TAF4B: variants seen among roughly 807,000 people sequenced by gnomAD.
TAF4B encodes the protein transcription initiation factor TFIID subunit 4B.
In TAF4B, 38 loss-of-function variants were observed where a neutral mutation model predicts 86.4. That is an observed-to-expected ratio of 0.44 (90% CI 0.34 to 0.58). The LOEUF (loss-of-function observed/expected upper bound fraction) is 0.58, where lower values mean the gene tolerates loss of function less well. Ranked by LOEUF, TAF4B falls within the 20% of genes least tolerant of loss-of-function variation. The pLI is 0.02. For missense variants in TAF4B, 988 were observed against 1,027.6 expected (o/e 0.96, Z 0.53); for synonymous variants, 388 against 391.2 (o/e 0.99, Z 0.10).
chr18:26,300,741 T>C (rs2056722515), intron 9 of TAF4B, among the ~76,000 whole-genome samples: 3 of 152,176 alleles, frequency 2.0e-5, no homozygotes, highest in South Asian at 4.1e-4. Context: ...CTACATCAGT[T>C]TGGTGAAGGT....
intron 10 of TAF4B, among the ~76,000 whole-genome samples, chr18:26,320,174 TATA>T (rs1400428104): frequency 6.6e-6 from 1 of 152,210 alleles, no homozygotes; most frequent in Non-Finnish European, 1.5e-5. Flanking sequence ...AAAATCAAAC[TATA>T]ATATTTTAAA....
At chr18:26,240,753 C>T (rs571445413) in intron 1 of TAF4B, among the ~76,000 whole-genome samples, 4 of 152,192 alleles carry the variant, frequency 2.6e-5, no homozygotes, top group Non-Finnish European at 4.4e-5. Flanking sequence ...TTTTGAGATA[C>T]GTCACATCAA....
At chr18:26,295,227 A>C (rs766190049) in intron 9 of TAF4B, 1 of 411,028 alleles carries the variant, frequency 2.4e-6, no homozygotes, top group South Asian at 1.8e-5. Context: ...TAAAATGTTC[A>C]CCATCGGTCT....
chr18:26,245,838 G>A (rs567260303), intron 1 of TAF4B, among the ~76,000 whole-genome samples: 2 of 152,316 alleles, frequency 1.3e-5, no homozygotes, highest in South Asian at 2.1e-4. Context: ...CAACTGCATT[G>A]TAGTCCACTG....
At chr18:26,231,344 G>T (rs60945045) in intron 1 of TAF4B, among the ~76,000 whole-genome samples, 34,137 of 60,724 alleles carry the variant, frequency 0.56, 11,319 homozygotes, top group South Asian at 0.78. Flanking sequence ...AGCTGCTTGG[G>T]GTTTTTTTTT....
chr18:26,247,370 C>T (rs1338489693), intron 1 of TAF4B, among the ~76,000 whole-genome samples: 1 of 152,174 alleles, frequency 6.6e-6, no homozygotes, highest in Non-Finnish European at 1.5e-5. Flanking sequence ...GATAGGTACT[C>T]TGTGGTTGCT....
intron 9 of TAF4B, among the ~76,000 whole-genome samples, chr18:26,314,359 T>C (rs1225515193): frequency 6.6e-6 from 1 of 152,194 alleles, no homozygotes; most frequent in Non-Finnish European, 1.5e-5. Flanking sequence ...TAAATATATA[T>C]ACTCATCTTA....
chr18:26,239,642 T>G (rs945525613), intron 1 of TAF4B, among the ~76,000 whole-genome samples: 6 of 152,242 alleles, frequency 3.9e-5, no homozygotes, highest in African/African-American at 1.4e-4. Context: ...TTTTGGTGTT[T>G]TAGTCATGAA....
intron 10 of TAF4B, among the ~76,000 whole-genome samples, chr18:26,320,600 T>A (rs1382987413): frequency 2.0e-5 from 3 of 152,308 alleles, no homozygotes; most frequent in African/African-American, 7.2e-5. Context: ...ACAAAAGGAA[T>A]ATAGGTATGT....
chr18:26,232,965 C>G (rs143834960), intron 1 of TAF4B, among the ~76,000 whole-genome samples: 10,368 of 152,100 alleles, frequency 0.068, 653 homozygotes, highest in African/African-American at 0.15. Flanking sequence ...TGGACTTGAG[C>G]TTTGAGGGGC....
intron 10 of TAF4B, 36 bp from the exon 11 acceptor site, chr18:26,321,034 A>G (rs2056957173): frequency 1.2e-6 from 2 of 1,612,622 alleles, no homozygotes; most frequent in Non-Finnish European, 1.7e-6. Context: ...ATCAGCCACT[A>G]CTAAAACACG....
At chr18:26,310,563 A>G (rs919481897) in intron 9 of TAF4B, among the ~76,000 whole-genome samples, 1 of 152,216 alleles carries the variant, frequency 6.6e-6, no homozygotes, top group Non-Finnish European at 1.5e-5. Flanking sequence ...AAAAAAGAAT[A>G]TTGAAGGCAA....
rs143373644 is a variant in TAF4B at position 26,237,738 on chromosome 18, A to C, written c.343+10462A>C. The stretch of plus-strand genomic sequence containing the variant: ...CCTCTTACAGAAAAGGTCAAACTGC[A>C]GGATAGTATTGTAATTTATACTTCC... On this transcript the variant is annotated intron_variant, in intron 1 of 14. Transcript: ENST00000269142. Among the ~76,000 whole-genome samples the C allele has an allele frequency of 1.5e-3, 226 of 152,306 alleles. 1 individual carries two copies. The highest frequency in any genetic ancestry group is 4.4e-3 in the Admixed American group (67 of 15,294).
intron 14 of TAF4B, among the ~76,000 whole-genome samples, chr18:26,374,143 T>C (rs2057426319): frequency 1.3e-5 from 2 of 152,238 alleles, no homozygotes; most frequent in African/African-American, 4.8e-5. Context: ...GTTACTGTTC[T>C]TCCCAGGGCA....
intron 12 of TAF4B, among the ~76,000 whole-genome samples, chr18:26,334,561 T>TTCTTATGCCA (rs1200457773): frequency 6.6e-6 from 1 of 152,186 alleles, no homozygotes; most frequent in Non-Finnish European, 1.5e-5. Flanking sequence ...ATGCCAGTTC[T>TTCTTATGCCA]GTATTATGGA....
At chr18:26,246,284 G>T (rs934752952) in intron 1 of TAF4B, among the ~76,000 whole-genome samples, 23 of 152,126 alleles carry the variant, frequency 1.5e-4, no homozygotes, top group African/African-American at 5.6e-4. Context: ...GTCTAAGAAG[G>T]CTCTTGTTAC....
At position 26,296,942 on chromosome 18, in the gene TAF4B, C is replaced by G. The variant is rs569730801; in HGVS notation, c.1832+3411C>G. 2.0e-5 allele frequency among the ~76,000 whole-genome samples: 3 copies of G among 152,084 alleles called. No homozygotes were observed. The East Asian group carries it at 5.8e-4, about 29-fold the overall frequency. ...ATCACTTGAGTCAAGAGTTCGAGAC[C>G]AGCCTGGCTAACATAATGAAACCCT... On this transcript the variant is annotated intron_variant, in intron 9 of 14. Transcript: ENST00000269142.
intron 14 of TAF4B, among the ~76,000 whole-genome samples, chr18:26,377,875 C>T (rs917707193): frequency 6.6e-6 from 1 of 152,094 alleles, no homozygotes; most frequent in African/African-American, 2.4e-5. Context: ...TATTCTTCAT[C>T]GTCCTACACT....
intron 11 of TAF4B, among the ~76,000 whole-genome samples, chr18:26,323,271 G>C (rs917432020): frequency 2.0e-5 from 3 of 152,108 alleles, no homozygotes; most frequent in African/African-American, 7.2e-5. Context: ...TTTCCTTATT[G>C]ATCATCCATC....
Sources: gnomAD v4.1 joint callset for allele counts (sites outside exome capture counted in the v4.1 genomes callset) on GRCh38, gnomAD v4.1.1 for gene constraint, MANE v1.5 for transcripts, NCBI Gene and HGNC (gene_info 2026-07-23, HGNC 2026-07-21) for gene names.